Variants in C16orf95 observed in about 807,000 individuals in gnomAD.
C16orf95 encodes uncharacterized protein C16orf95.
In C16orf95, 41 loss-of-function variants were observed where a neutral mutation model predicts 32.1. The observed-to-expected ratio is 1.28, with a 90% CI of 1.00 to 1.66. The LOEUF (loss-of-function observed/expected upper bound fraction) is 1.66, where lower values mean the gene tolerates loss of function less well. C16orf95 is among the 40% of genes most tolerant of loss of function. C16orf95 has a pLI of 0.00. For synonymous variants in C16orf95, 147 were observed against 128.9 expected, an observed-to-expected ratio of 1.14 and a Z score of -0.95; for missense variants, 399 against 325.9, an observed-to-expected ratio of 1.22 and a Z score of -1.73.
chr16:87,311,262 G>A lies in C16orf95; in HGVS notation c.365C>T (p.Thr122Ile), dbSNP rs1056003379. 2 of 1,535,228 alleles carry A rather than the reference G, an allele frequency of 1.3e-6. No homozygotes were observed. Among genetic ancestry groups the A allele is most frequent in the African/African-American group, 2.7e-5 (2 of 73,056 alleles). ...QKTVQFPIPQ[T>I]AKMCPCLCHR... is the part of the protein sequence containing the mutation. ...GCATAGGCAGGGGCACATCTTGGCG[G>A]TTTGGGGGATAGGAAATTGAACCGT... The change falls in exon 4 of 7, where the codon ACC (threonine) becomes ATC (isoleucine). Residue 122 changes from threonine (T) to isoleucine (I), a missense_variant. Thr to Ile is a moderately conservative substitution (Grantham distance 89). Transcript: ENST00000567970.
intron 3 of C16orf95, among the ~76,000 whole-genome samples, chr16:87,313,807 G>C (rs139198816): frequency 6.6e-6 from 1 of 152,104 alleles, no homozygotes; most frequent in African/African-American, 2.4e-5. Context: ...TCTAGAATTT[G>C]TATCTAGAAT....
Position 87,305,964 on chromosome 16 carries a change from C to CGAG in C16orf95, c.515-62_515-60dup. 1 of 1,301,114 alleles carries CGAG rather than the reference C, an allele frequency of 7.7e-7. No individual in the cohort carries two copies. The highest frequency in any genetic ancestry group is 9.9e-7 in the Non-Finnish European group (1 of 1,009,318). 80.6% of individuals were successfully genotyped at this position (1,301,114 alleles called of 1,614,324 possible). On this transcript the variant is annotated intron_variant, in intron 5 of 6. Transcript: ENST00000567970. This position sits in a 1 kb window ranked among gnomAD's most constrained non-coding sequence, Gnocchi z 4.2. Reference sequence around the variant, plus strand: ...GTGTTCTCCGGGACTCTGTGAGCCACGAGGAGGCTGCAACACCAGCCCCAG... The same window carrying CGAG: ...GTGTTCTCCGGGACTCTGTGAGCCACGAGGAGGAGGCTGCAACACCAGCCCCAG...
Position 87,315,045 on chromosome 16 carries a change from C to T in C16orf95, c.256G>A (p.Gly86Ser). ...ICCECQTRFG[G>S]RLPVSRVEAA... ...TCCACCCTGGACACAGGCAGGCGGCCCCCGAATCTGGTCTGGCATTCACAG... is the reference window on the plus strand; with the variant it reads ...TCCACCCTGGACACAGGCAGGCGGCTCCCGAATCTGGTCTGGCATTCACAG... The change falls in exon 3 of 7, where the codon GGC becomes AGC. Residue 86 changes from glycine (G) to serine (S), a missense_variant. Transcript: ENST00000567970. 2.0e-6 allele frequency: 3 copies of T among 1,536,090 alleles called. No homozygotes were observed. Among genetic ancestry groups the T allele is most frequent in the Non-Finnish European group, 2.6e-6 (3 of 1,146,904 alleles).
rs768285882 is a variant in C16orf95 at position 87,317,331 on chromosome 16, G to A, written c.-89C>T. The A allele has an allele frequency of 2.8e-6, 4 of 1,438,480 alleles. No homozygotes were observed. The highest frequency in any genetic ancestry group is 3.7e-6 in the Non-Finnish European group (4 of 1,095,602). The allele number at this position is 1,438,480 out of a possible 1,614,324, so 89.1% of individuals were successfully genotyped here. A position where few individuals can be genotyped will look rare whatever the true frequency, so the allele number is the denominator to read the frequency against. On this transcript the variant is annotated 5_prime_UTR_variant, in exon 1 of 7. Transcript: ENST00000567970. Reference sequence around the variant, plus strand: ...CTCCCGCCTTTCCCTCCTGCCCCAGGAGGAACCCAACCCGAGCTCAACCCC... The same window carrying A: ...CTCCCGCCTTTCCCTCCTGCCCCAGAAGGAACCCAACCCGAGCTCAACCCC...
intron 1 of C16orf95, 86 bp downstream of exon 1, chr16:87,317,005 T>C (rs2150658539): frequency 2.1e-6 from 3 of 1,407,416 alleles, no homozygotes; most frequent in South Asian, 1.5e-5. Context: ...GAGTTCTGCC[T>C]GTGCATAGGT....
In C16orf95 at chr16:87,305,145, T is replaced by A. The variant is rs1910955280; in HGVS notation, c.701+574A>T. On this transcript the variant is annotated intron_variant, in intron 6 of 6. Transcript: ENST00000567970. The surrounding 1 kb of genome is among the most constrained non-coding windows in gnomAD (Gnocchi z 4.2). Reference sequence around the variant, plus strand: ...CGAAGCCCAGCTGTGGCCCGGGGAGTGGCCCCGGAGGCTTCCTGGGGGAGG... The same window carrying A: ...CGAAGCCCAGCTGTGGCCCGGGGAGAGGCCCCGGAGGCTTCCTGGGGGAGG... Among the ~76,000 whole-genome samples the A allele has an allele frequency of 1.3e-5, 2 of 151,696 alleles. No homozygotes were observed. Among genetic ancestry groups the A allele is most frequent in the South Asian group, 4.2e-4 (2 of 4,784 alleles).
Position 87,311,151 on chromosome 16 carries a change from T to C in C16orf95, c.476A>G (p.Gln159Arg). 1.3e-6 allele frequency: 2 copies of C among 1,524,974 alleles called. No individual in the cohort carries two copies. Among genetic ancestry groups the C allele is most frequent in the East Asian group, 2.5e-5 (1 of 40,598 alleles). 94.5% of individuals were successfully genotyped at this position (1,524,974 alleles called of 1,614,324 possible). A position where few individuals can be genotyped will look rare whatever the true frequency, so the allele number is the denominator to read the frequency against. The change falls in exon 4 of 7, where the codon CAG becomes CGG. Residue 159 changes from glutamine (Q) to arginine (R), a missense_variant and splice_region_variant. Transcript: ENST00000567970. ...WVPQVLRSQQ[Q>R]IVRRQQSLKG... Reference sequence around the variant, plus strand: ...CTGCAGTGTGCGCCTCCTCCTTACCTGCTGCTGAGACCTCAGGACCTGGGG... The same window carrying C: ...CTGCAGTGTGCGCCTCCTCCTTACCCGCTGCTGAGACCTCAGGACCTGGGG...
intron 5 of C16orf95, among the ~76,000 whole-genome samples, chr16:87,308,580 C>A (rs982067873): frequency 2.6e-5 from 4 of 152,096 alleles, no homozygotes; most frequent in Non-Finnish European, 4.4e-5. Flanking sequence ...CCTTGAGCAT[C>A]CCAAAAAACT....
chr16:87,303,648 T>C, intron 6 of C16orf95: 1 of 156,628 alleles, frequency 6.4e-6, no homozygotes. Flanking sequence ...TGGAAGCATA[T>C]GAATCACCAA....
At chr16:87,314,817 T>A (rs945544338) in intron 3 of C16orf95, among the ~76,000 whole-genome samples, 154 bp downstream of exon 3, 1 of 152,184 alleles carries the variant, frequency 6.6e-6, no homozygotes, top group South Asian at 2.1e-4. Flanking sequence ...ACATTACCCA[T>A]CTGACATGAA....
chr16:87,316,388 C>T (rs1341101724), intron 1 of C16orf95, among the ~76,000 whole-genome samples: 1 of 152,174 alleles, frequency 6.6e-6, no homozygotes, highest in African/African-American at 2.4e-5. Context: ...CTGGATGAAG[C>T]GTCTCCAGTG....
chr16:87,309,399 T>G (rs1369306009), intron 5 of C16orf95, among the ~76,000 whole-genome samples: 1 of 112,098 alleles, frequency 8.9e-6, no homozygotes, highest in African/African-American at 2.9e-5. Flanking sequence ...TTTTTTTTTT[T>G]TGTAGACAGA....
chr16:87,310,594 A>C (rs1436688715), intron 4 of C16orf95, among the ~76,000 whole-genome samples: 1 of 152,224 alleles, frequency 6.6e-6, no homozygotes, highest in African/African-American at 2.4e-5. Flanking sequence ...GGGGAGCGAG[A>C]GGCCCAGGGG....
At chr16:87,304,362 C>A (rs1311869276) in intron 6 of C16orf95, among the ~76,000 whole-genome samples, 2 of 151,350 alleles carry the variant, frequency 1.3e-5, no homozygotes, top group Admixed American at 1.3e-4. Context: ...CCTCGCCCAT[C>A]CTCTAAGGCT....
At chr16:87,303,129 T>C in intron 6 of C16orf95, 54 bp from the exon 7 acceptor site, 1 of 1,530,474 alleles carries the variant, frequency 6.5e-7, no homozygotes, top group Middle Eastern at 1.7e-4. Flanking sequence ...TGAGACCAGC[T>C]GCCCTCAGCG....
Position 87,317,252 on chromosome 16 carries a change from T to TA in C16orf95, c.-11dup. On this transcript the variant is annotated 5_prime_UTR_variant, in exon 1 of 7. Transcript: ENST00000567970. ...ACCGGCTCGCACGCATATGGCTTCTTATGGCTGACGCGCCCTTTCACACAC... is the reference window on the plus strand; with the variant it reads ...ACCGGCTCGCACGCATATGGCTTCTTAATGGCTGACGCGCCCTTTCACACAC... The TA allele has an allele frequency of 6.6e-7, 1 of 1,514,980 alleles. No individual in the cohort carries two copies. The highest frequency in any genetic ancestry group is 8.8e-7 in the Non-Finnish European group (1 of 1,135,536). 93.8% of individuals were successfully genotyped at this position (1,514,980 alleles called of 1,614,324 possible).
chr16:87,315,568 A>G (rs1295343283), intron 2 of C16orf95, among the ~76,000 whole-genome samples: 1 of 152,144 alleles, frequency 6.6e-6, no homozygotes, highest in Non-Finnish European at 1.5e-5. Context: ...CAGAGCAGGT[A>G]TATTAGGTGG....
intron 2 of C16orf95, among the ~76,000 whole-genome samples, 197 bp from the exon 3 acceptor site, chr16:87,315,293 C>T (rs1189194123): frequency 6.6e-6 from 1 of 152,178 alleles, no homozygotes; most frequent in Non-Finnish European, 1.5e-5. Flanking sequence ...AGGGGGATCC[C>T]CCGGAGCTTG....
rs991120840 is a variant in C16orf95 at position 87,317,352 on chromosome 16, A to ACCCCAG, written c.-116_-111dup. On this transcript the variant is annotated 5_prime_UTR_variant, in exon 1 of 7. Coordinates refer to ENST00000567970, the MANE Select transcript of C16orf95 (RefSeq NM_001195124.3). The stretch of plus-strand genomic sequence containing the variant: ...CCAGGAGGAACCCAACCCGAGCTCA[A>ACCCCAG]CCCCAGCCCCAACCTCAACCGCTCA... The ACCCCAG allele has an allele frequency of 7.1e-7, 1 of 1,410,120 alleles. No homozygotes were observed. The highest frequency in any genetic ancestry group is 9.2e-7 in the Non-Finnish European group (1 of 1,083,510). 87.4% of individuals were successfully genotyped at this position (1,410,120 alleles called of 1,614,324 possible).
Sources: allele counts gnomAD v4.1 joint callset (sites outside exome capture counted in the v4.1 genomes callset), GRCh38; gene constraint gnomAD v4.1.1; non-coding constraint Gnocchi (gnomAD v3.1); transcripts MANE v1.5; gene names NCBI Gene and HGNC (gene_info 2026-07-23, HGNC 2026-07-21).